Variants in NRCAM observed in about 807,000 individuals in gnomAD.
NRCAM encodes NgCAM-related cell adhesion molecule.
Under a neutral mutation model 156.5 loss-of-function variants are expected in NRCAM, and 83 were observed. The observed-to-expected ratio is 0.53, with a 90% CI of 0.44 to 0.64. The LOEUF (loss-of-function observed/expected upper bound fraction) is 0.64. Among genes scored for constraint, NRCAM ranks in the 30% least tolerant of loss-of-function variants. NRCAM has a pLI of 0.00. For synonymous variants in NRCAM, 538 were observed against 563.9 expected (o/e 0.95, Z 0.65); for missense variants, 1,417 against 1,597.3 (o/e 0.89, Z 1.92).
Position 108,191,739 on chromosome 7 carries a change from A to C in NRCAM, c.1893T>G (p.Leu631=). ...TLDSVSASAV[L]SVVAPTPTPA... The stretch of plus-strand genomic sequence containing the variant: ...TGTTTTCGTTCTTACCAACAACGCT[A>C]AGCACAGCGCTGGCGGAGACGCTGT... Residue 631 remains leucine, a synonymous_variant, in exon 18 of 33, where the codon CTT becomes CTG. Coordinates refer to ENST00000379028, the MANE Select transcript of NRCAM (RefSeq NM_001037132.4). 1 of 1,610,160 alleles carries C rather than the reference A, an allele frequency of 6.2e-7. No individual in the cohort carries two copies. Among genetic ancestry groups the C allele is most frequent in the African/African-American group, 1.3e-5 (1 of 74,996 alleles).
At chr7:108,251,492 C>T (rs1219496483) in intron 3 of NRCAM, among the ~76,000 whole-genome samples, 1 of 152,172 alleles carries the variant, frequency 6.6e-6, no homozygotes, top group Non-Finnish European at 1.5e-5. Flanking sequence ...AGAGCCAAAT[C>T]TGCTATAATA....
chr7:108,436,941 G>A (rs916313428), intron 1 of NRCAM, among the ~76,000 whole-genome samples: 12 of 152,168 alleles, frequency 7.9e-5, no homozygotes, highest in Non-Finnish European at 1.6e-4. Context: ...AAGGAAATCA[G>A]TATATTGAAG....
At chr7:108,430,620 A>T (rs1165632623) in intron 1 of NRCAM, among the ~76,000 whole-genome samples, 1 of 152,202 alleles carries the variant, frequency 6.6e-6, no homozygotes, top group Non-Finnish European at 1.5e-5. Flanking sequence ...TAATATATCT[A>T]GTGGCTAGAA....
intron 22 of NRCAM, 132 bp downstream of exon 22, chr7:108,184,109 T>C (rs2065183148): frequency 9.7e-6 from 4 of 412,534 alleles, no homozygotes; most frequent in African/African-American, 3.3e-5. Context: ...TATATATGTA[T>C]CTTTATATAT....
chr7:108,159,929 A>C (rs2047860707), intron 31 of NRCAM, among the ~76,000 whole-genome samples: 1 of 152,182 alleles, frequency 6.6e-6, no homozygotes. Flanking sequence ...AGAAAATATA[A>C]ATTTAATGGG....
intron 1 of NRCAM, among the ~76,000 whole-genome samples, chr7:108,415,075 G>A (rs1363971076): frequency 6.6e-6 from 1 of 152,170 alleles, no homozygotes. Flanking sequence ...TTCTTAGGAG[G>A]TTGCAGTATA....
intron 1 of NRCAM, among the ~76,000 whole-genome samples, chr7:108,402,486 C>A (rs541864158): frequency 5.3e-5 from 8 of 152,268 alleles, no homozygotes; most frequent in African/African-American, 1.9e-4. Flanking sequence ...TTAGACACAT[C>A]TGGGAAGAAA....
intron 3 of NRCAM, among the ~76,000 whole-genome samples, chr7:108,294,682 A>G (rs1264968703): frequency 2.6e-5 from 4 of 152,268 alleles, no homozygotes; most frequent in Non-Finnish European, 4.4e-5. Context: ...CACAAACTCT[A>G]TTTGTGTGCT....
At chr7:108,425,452 A>T (rs1198941524) in intron 1 of NRCAM, among the ~76,000 whole-genome samples, 1 of 152,124 alleles carries the variant, frequency 6.6e-6, no homozygotes, top group African/African-American at 2.4e-5. Context: ...CAGTATTTTA[A>T]ATCAGTGGGT....
intron 1 of NRCAM, among the ~76,000 whole-genome samples, chr7:108,454,639 GCA>G (rs1252679952): frequency 6.6e-6 from 1 of 152,152 alleles, no homozygotes; most frequent in Non-Finnish European, 1.5e-5. Flanking sequence ...TAACAGCAGG[GCA>G]TGGTTAGCAC....
chr7:108,296,443 T>A (rs2098455664), intron 3 of NRCAM, among the ~76,000 whole-genome samples: 1 of 152,140 alleles, frequency 6.6e-6, no homozygotes, highest in Non-Finnish European at 1.5e-5. Flanking sequence ...CATGGAAGAA[T>A]ATACAGGTGA....
intron 3 of NRCAM, among the ~76,000 whole-genome samples, chr7:108,269,520 G>C (rs760954581): frequency 1.3e-5 from 2 of 152,136 alleles, no homozygotes; most frequent in African/African-American, 4.8e-5. Context: ...GGGTCTCACT[G>C]GGAGGGAAAG....
chr7:108,231,675 A>G (rs1460951886), intron 7 of NRCAM, among the ~76,000 whole-genome samples: 1 of 152,212 alleles, frequency 6.6e-6, no homozygotes, highest in East Asian at 1.9e-4. Flanking sequence ...GAAAAAATAG[A>G]AAGAATATTT....
chr7:108,272,323 T>C (rs977356703), intron 3 of NRCAM, among the ~76,000 whole-genome samples: 1 of 152,224 alleles, frequency 6.6e-6, no homozygotes, highest in Non-Finnish European at 1.5e-5. Flanking sequence ...TATCTGCCAT[T>C]AATTTAAGTA....
At chr7:108,330,950 G>A (rs1016150) in intron 2 of NRCAM, among the ~76,000 whole-genome samples, 87,540 of 151,908 alleles carry the variant, frequency 0.58, 25,755 homozygotes, top group East Asian at 0.82. Flanking sequence ...ACAGGAATGT[G>A]ACTAATTTTC....
chr7:108,261,446 A>G (rs1211216754), intron 3 of NRCAM, among the ~76,000 whole-genome samples: 1 of 152,232 alleles, frequency 6.6e-6, no homozygotes, highest in East Asian at 1.9e-4. Flanking sequence ...TAAAATTAGC[A>G]AATGTTATTG....
intron 1 of NRCAM, among the ~76,000 whole-genome samples, chr7:108,434,541 TACACACAC>T (rs141756969): frequency 2.3e-3 from 328 of 141,240 alleles, no homozygotes; most frequent in Non-Finnish European, 3.2e-3. Context: ...CAATGGAATG[TACACACAC>T]ACACACACAC....
At chr7:108,236,308 C>G (rs941684744) in intron 5 of NRCAM, among the ~76,000 whole-genome samples, 2 of 152,186 alleles carry the variant, frequency 1.3e-5, no homozygotes, top group Non-Finnish European at 2.9e-5. Context: ...AAATCAAAAG[C>G]TAGCCTCATT....
chr7:108,361,781 G>C (rs1017271355), intron 2 of NRCAM, among the ~76,000 whole-genome samples: 1 of 151,996 alleles, frequency 6.6e-6, no homozygotes, highest in Non-Finnish European at 1.5e-5. Flanking sequence ...GTAAATGTAC[G>C]TATATATGTA....
Sources: gnomAD v4.1 joint callset for allele counts (sites outside exome capture counted in the v4.1 genomes callset) on GRCh38, gnomAD v4.1.1 for gene constraint, MANE v1.5 for transcripts, NCBI Gene and HGNC (gene_info 2026-07-23, HGNC 2026-07-21) for gene names.